The following RAP1A variants were observed in gnomAD, a reference collection of about 807,000 sequenced individuals.
RAP1A encodes the protein ras-related protein Rap-1A.
A neutral mutation model predicts 26.4 loss-of-function variants in RAP1A; 6 were observed. That is an observed-to-expected ratio of 0.23 (90% CI 0.12 to 0.45). The LOEUF is 0.45. Among genes scored for constraint, RAP1A ranks in the 20% least tolerant of loss-of-function variants. The pLI, the probability that RAP1A is intolerant of heterozygous loss-of-function variation, is 0.99. For missense variants in RAP1A, 121 were observed against 217.2 expected (o/e 0.56, Z 2.78); for synonymous variants, 73 against 79.4 (o/e 0.92, Z 0.43).
chr1:111,689,912 G>A (rs1012082709), intron 1 of RAP1A, among the ~76,000 whole-genome samples: 1 of 152,108 alleles, frequency 6.6e-6, no homozygotes, highest in African/African-American at 2.4e-5. Flanking sequence ...TCCTGACCTC[G>A]TGATCCACCC....
chr1:111,699,070 T>C (rs1661931105), intron 4 of RAP1A, among the ~76,000 whole-genome samples: 2 of 152,148 alleles, frequency 1.3e-5, no homozygotes, highest in Non-Finnish European at 2.9e-5. Flanking sequence ...CTGTCTCCCA[T>C]CTAGCACTCA....
chr1:111,691,284 T>TA, intron 1 of RAP1A, 50 bp from the exon 2 acceptor site: 1 of 1,374,644 alleles, frequency 7.3e-7, no homozygotes, highest in Non-Finnish European at 1.0e-6. Flanking sequence ...TGTACATTAT[T>TA]AGACTGTTAG....
At chr1:111,672,048 T>C (rs142983441) in intron 1 of RAP1A, among the ~76,000 whole-genome samples, 446 of 152,306 alleles carry the variant, frequency 2.9e-3, no homozygotes, top group African/African-American at 0.01. Context: ...CCATGTACAC[T>C]GGAAAAGGAT....
intron 1 of RAP1A, among the ~76,000 whole-genome samples, chr1:111,601,880 T>C (rs1217014508): frequency 2.6e-5 from 4 of 152,238 alleles, no homozygotes; most frequent in Admixed American, 2.6e-4. Flanking sequence ...TGGCTATTAT[T>C]ATTTTTATAA....
intron 1 of RAP1A, chr1:111,648,561 A>G: frequency 1.8e-6 from 1 of 558,358 alleles, no homozygotes; most frequent in Non-Finnish European, 3.4e-6. Context: ...TTGCAGCAGG[A>G]TCCCGTTTAG....
chr1:111,597,447 G>A (rs773086458), intron 1 of RAP1A, among the ~76,000 whole-genome samples: 26 of 152,086 alleles, frequency 1.7e-4, no homozygotes, highest in African/African-American at 2.9e-4. Flanking sequence ...GGATTTTGTC[G>A]TAATCCTACA....
At chr1:111,655,186 A>G (rs771803733) in intron 1 of RAP1A, among the ~76,000 whole-genome samples, 1 of 151,810 alleles carries the variant, frequency 6.6e-6, no homozygotes, top group Non-Finnish European at 1.5e-5. Context: ...CTCATGAGCT[A>G]TGAGGGGAAA....
chr1:111,609,158 A>T (rs1183800525), intron 1 of RAP1A, among the ~76,000 whole-genome samples: 4 of 152,186 alleles, frequency 2.6e-5, no homozygotes, highest in Non-Finnish European at 1.5e-5. Flanking sequence ...AACTCCCAGC[A>T]AGATGATCCA....
In RAP1A at chr1:111,611,246, A is replaced by C. The variant is rs183880415; in HGVS notation, c.-28+68737A>C. Among the ~76,000 whole-genome samples the C allele has an allele frequency of 2.0e-4, 30 of 152,314 alleles. 1 individual carries two copies. Among genetic ancestry groups the C allele is most frequent in the Non-Finnish European group, 3.5e-4 (24 of 68,024 alleles). ...TTGTAAAAGTTTGCCCAAATTTCTC[A>C]CTGGAAATTTTGTGCTTAGGATGGC... On this transcript the variant is annotated intron_variant, in intron 1 of 7. Transcript: ENST00000356415.
intron 7 of RAP1A, among the ~76,000 whole-genome samples, chr1:111,709,479 T>A (rs138879539): frequency 9.3e-5 from 14 of 151,130 alleles, no homozygotes; most frequent in African/African-American, 3.4e-4. Context: ...TTTCTGTTTT[T>A]TCTTGCCACT....
intron 3 of RAP1A, among the ~76,000 whole-genome samples, chr1:111,695,847 G>T (rs994843537): frequency 2.0e-5 from 3 of 152,094 alleles, no homozygotes; most frequent in Non-Finnish European, 4.4e-5. Flanking sequence ...CTATAATTGG[G>T]TTATATGCCA....
intron 1 of RAP1A, among the ~76,000 whole-genome samples, chr1:111,549,403 C>G (rs1657168288): frequency 6.6e-6 from 1 of 150,434 alleles, no homozygotes; most frequent in African/African-American, 2.5e-5. Context: ...AATCCCAGCA[C>G]TTCGGGAGGC....
At chr1:111,598,059 T>C (rs568379531) in intron 1 of RAP1A, among the ~76,000 whole-genome samples, 27 of 152,384 alleles carry the variant, frequency 1.8e-4, no homozygotes, top group African/African-American at 6.0e-4. Context: ...TATCCTATGA[T>C]GTAATCATCC....
At chr1:111,694,445 TA>T (rs1230229838) in intron 2 of RAP1A, among the ~76,000 whole-genome samples, 2 of 152,236 alleles carry the variant, frequency 1.3e-5, no homozygotes, top group African/African-American at 4.8e-5. Flanking sequence ...CCTTGCTTTT[TA>T]GGCAATAATG....
chr1:111,565,213 G>A (rs4839145), intron 1 of RAP1A, among the ~76,000 whole-genome samples: 29 of 152,032 alleles, frequency 1.9e-4, no homozygotes, highest in Admixed American at 2.6e-4. Context: ...ATGAACAAAG[G>A]GGGGGAGTGT....
At chr1:111,648,580 T>C in intron 1 of RAP1A, 1 of 540,552 alleles carries the variant, frequency 1.8e-6, no homozygotes, top group Non-Finnish European at 3.5e-6. Flanking sequence ...AGCTGCTCCA[T>C]CTGCAGGAAG....
At position 111,557,364 on chromosome 1, in the gene RAP1A, C is replaced by T. The variant is rs143748577; in HGVS notation, c.-28+14855C>T. 1.4e-4 allele frequency among the ~76,000 whole-genome samples: 21 copies of T among 152,090 alleles called. No homozygotes were observed. The East Asian group carries it at 3.5e-3, about 25-fold the overall frequency. On this transcript the variant is annotated intron_variant, in intron 1 of 7. Transcript: ENST00000356415. ...GAGATCAAGACCATCCTGGCTAACA[C>T]GGTGAAACCCTGTCTCTACTAAAAA...
intron 1 of RAP1A, among the ~76,000 whole-genome samples, chr1:111,628,942 A>G (rs1170543261): frequency 6.6e-6 from 1 of 152,156 alleles, no homozygotes; most frequent in Non-Finnish European, 1.5e-5. Context: ...ATATATGTAC[A>G]ATCTCCTGCA....
chr1:111,549,855 G>A (rs991207663), intron 1 of RAP1A, among the ~76,000 whole-genome samples: 1 of 152,022 alleles, frequency 6.6e-6, no homozygotes. Context: ...GTGTTGCTAT[G>A]TTGCACAGAC....
Sources: gnomAD v4.1 joint callset for allele counts (sites outside exome capture counted in the v4.1 genomes callset) on GRCh38, gnomAD v4.1.1 for gene constraint, MANE v1.5 for transcripts, NCBI Gene and HGNC (gene_info 2026-07-23, HGNC 2026-07-21) for gene names.